Variants in SPATA13 observed in about 807,000 individuals in gnomAD.
SPATA13 encodes spermatogenesis associated 13.
In SPATA13, 50 loss-of-function variants were observed where a neutral mutation model predicts 104.0. The ratio of observed to expected loss-of-function variants is 0.48; its 90% CI spans 0.38 to 0.61. The LOEUF is 0.61. Ranked by LOEUF, SPATA13 falls within the 20% of genes least tolerant of loss-of-function variation. SPATA13 has a pLI of 0.00. For missense variants in SPATA13, 1,524 were observed against 1,690.6 expected (o/e 0.90, Z 1.73); for synonymous variants, 606 against 667.5 (o/e 0.91, Z 1.42).
chr13:24,137,685 G>C (rs899976812), intron 3 of SPATA13, among the ~76,000 whole-genome samples: 20 of 152,100 alleles, frequency 1.3e-4, no homozygotes, highest in Non-Finnish European at 2.5e-4. Context: ...CTTGAGCCTG[G>C]GGGGCGGAGG....
chr13:24,300,136 C>T (rs1877081935), intron 11 of SPATA13, among the ~76,000 whole-genome samples: 1 of 152,198 alleles, frequency 6.6e-6, no homozygotes, highest in South Asian at 2.1e-4. Flanking sequence ...GGGCTTCACA[C>T]AGACATTCTG....
At chr13:24,097,846 C>T (rs1880131841) in intron 3 of SPATA13, among the ~76,000 whole-genome samples, 1 of 152,150 alleles carries the variant, frequency 6.6e-6, no homozygotes, top group Admixed American at 6.5e-5. Flanking sequence ...GCGAGGGCCC[C>T]ACACTCAGGA....
intron 2 of SPATA13, among the ~76,000 whole-genome samples, chr13:24,226,507 C>G (rs945716757): frequency 6.6e-6 from 1 of 152,134 alleles, no homozygotes; most frequent in Non-Finnish European, 1.5e-5. Flanking sequence ...TATCAAACAT[C>G]TTTATAATTT....
At chr13:24,197,378 A>T (rs1430954091) in intron 1 of SPATA13, among the ~76,000 whole-genome samples, 2 of 152,238 alleles carry the variant, frequency 1.3e-5, no homozygotes, top group East Asian at 3.8e-4. Context: ...TTAAAACGTA[A>T]CTATCTCTTA....
At chr13:23,987,323 G>T (rs1340275211) in intron 2 of SPATA13, among the ~76,000 whole-genome samples, 1 of 152,122 alleles carries the variant, frequency 6.6e-6, no homozygotes, top group African/African-American at 2.4e-5. Flanking sequence ...GAGCCACACT[G>T]CTTGTAAAAT....
chr13:24,036,399 G>C (rs1364894352), intron 3 of SPATA13, among the ~76,000 whole-genome samples: 1 of 152,228 alleles, frequency 6.6e-6, no homozygotes, highest in Non-Finnish European at 1.5e-5. Flanking sequence ...AAGTATGGAA[G>C]TGTAAAAAGG....
At chr13:24,158,863 A>AGGATGC (rs773236790), upstream of SPATA13, among the ~76,000 whole-genome samples, 7 of 152,324 alleles carry the variant, frequency 4.6e-5, no homozygotes, top group Admixed American at 2.0e-4. Context: ...CAGGGCCTCA[A>AGGATGC]GGATGCGGGG....
In SPATA13 at chr13:24,297,975, T is replaced by G. The variant is rs750482204; in HGVS notation, c.3583+240T>G. On this transcript the variant is annotated intron_variant, in intron 11 of 12. Transcript: ENST00000382108. ...TATTTACCTTGTGCCAGACATTCTG[T>G]GGCCCATTTATAGAGATTGTCTCAT... Among the ~76,000 whole-genome samples the G allele has an allele frequency of 5.5e-4, 84 of 152,254 alleles. 1 individual carries two copies. Among genetic ancestry groups the G allele is most frequent in the Non-Finnish European group, 1.2e-3 (82 of 68,042 alleles).
chr13:24,159,520 T>C (rs1882380419), upstream of SPATA13, among the ~76,000 whole-genome samples: 2 of 152,212 alleles, frequency 1.3e-5, no homozygotes, highest in South Asian at 4.1e-4. Context: ...CACACACAGC[T>C]GCTTGTACTG....
At chr13:24,004,506 C>T (rs910026089) in intron 2 of SPATA13, among the ~76,000 whole-genome samples, 1 of 152,102 alleles carries the variant, frequency 6.6e-6, no homozygotes, top group Admixed American at 6.5e-5. Context: ...GTGAGGGGCT[C>T]CTCACAGGGG....
intron 3 of SPATA13, chr13:24,122,484 T>C (rs576043790): frequency 2.5e-6 from 4 of 1,608,550 alleles, no homozygotes; most frequent in Non-Finnish European, 3.4e-6. Flanking sequence ...TCTCCAAATA[T>C]TCTTGCCCAT....
At chr13:23,991,523 C>T (rs1875415977) in intron 2 of SPATA13, among the ~76,000 whole-genome samples, 1 of 152,076 alleles carries the variant, frequency 6.6e-6, no homozygotes, top group South Asian at 2.1e-4. Context: ...GGAACTTCTC[C>T]CTCACTGGGC....
At chr13:24,144,237 A>G (rs1451687874) in intron 3 of SPATA13, among the ~76,000 whole-genome samples, 1 of 152,144 alleles carries the variant, frequency 6.6e-6, no homozygotes, top group African/African-American at 2.4e-5. Flanking sequence ...CAGTCTGTCC[A>G]ATGCTGTGAT....
intron 2 of SPATA13, among the ~76,000 whole-genome samples, chr13:23,995,314 C>G (rs763671187): frequency 6.6e-6 from 1 of 152,084 alleles, no homozygotes; most frequent in African/African-American, 2.4e-5. Flanking sequence ...TTTGTTTTTC[C>G]TGTTTGGCTT....
chr13:24,151,905 A>T lies in SPATA13; in HGVS notation c.-111-70914A>T, dbSNP rs575235854. ...ATGCTTGATTAATTTAGCTAACACT[A>T]GTGAATTGATATTGCCCAGGATGAG... On this transcript the variant is annotated intron_variant, in intron 3 of 14. Coordinates refer to the SPATA13 transcript ENST00000424834. Among the ~76,000 whole-genome samples, 11 of 152,334 alleles carry T rather than the reference A, an allele frequency of 7.2e-5. No homozygotes were observed. The South Asian group carries it at 2.3e-3, about 32-fold the overall frequency.
rs992025260 is a variant in SPATA13, at chr13:24,223,022, T to C, written c.93T>C (p.Cys31=). 38 of 1,551,494 alleles carry C rather than the reference T, an allele frequency of 2.4e-5. No homozygotes were observed. Among genetic ancestry groups the C allele is most frequent in the Non-Finnish European group, 3.3e-5 (38 of 1,146,930 alleles). ...NGLGPGPAAP[C]AGSDLKDAKM... ...TCGGGCCAGGCCCCGCAGCCCCCTGTGCAGGCTCGGACCTGAAAGACGCCA... is the reference window on the plus strand; with the variant it reads ...TCGGGCCAGGCCCCGCAGCCCCCTGCGCAGGCTCGGACCTGAAAGACGCCA... Residue 31 remains cysteine (C), a synonymous_variant, in exon 2 of 13, where the codon TGT becomes TGC. Coordinates refer to ENST00000382108, the MANE Select transcript of SPATA13 (RefSeq NM_001166271.3).
chr13:24,098,756 G>A lies in SPATA13; in HGVS notation c.-112+81055G>A, dbSNP rs537852676. Among the ~76,000 whole-genome samples the A allele has an allele frequency of 2.6e-4, 40 of 151,754 alleles. 1 individual carries two copies. In the South Asian group the frequency reaches 6.9e-3, roughly 26 times the overall value. ...ATCCTGGTCAACATGGTGAAACCCC[G>A]TCTTTACTAAAAACACAAAAATTAG... On this transcript the variant is annotated intron_variant, in intron 3 of 14. Transcript: ENST00000424834.
At chr13:24,095,410 G>A (rs1442295384) in intron 3 of SPATA13, among the ~76,000 whole-genome samples, 2 of 152,114 alleles carry the variant, frequency 1.3e-5, no homozygotes, top group Non-Finnish European at 2.9e-5. Context: ...CCAGGGCTGG[G>A]GTAGGGGGTG....
At chr13:24,163,473 G>T (rs1207683290) in intron 1 of SPATA13, among the ~76,000 whole-genome samples, 2 of 152,154 alleles carry the variant, frequency 1.3e-5, no homozygotes, top group African/African-American at 2.4e-5. Context: ...TGAGAGTTCC[G>T]TTTCACTTTA....
Sources: allele counts gnomAD v4.1 joint callset (sites outside exome capture counted in the v4.1 genomes callset), GRCh38; gene constraint gnomAD v4.1.1; transcripts MANE v1.5; gene names NCBI Gene and HGNC (gene_info 2026-07-23, HGNC 2026-07-21).